Variants in TCERG1L observed in about 807,000 individuals in gnomAD.
TCERG1L encodes transcription elongation regulator 1 like.
Under a neutral mutation model 56.3 loss-of-function variants are expected in TCERG1L, and 37 were observed. The observed-to-expected ratio is 0.66, with a 90% CI of 0.51 to 0.87. The LOEUF is 0.87. Ranked by LOEUF, TCERG1L falls within the 40% of genes least tolerant of loss-of-function variation. The pLI is 0.00. For missense variants in TCERG1L, 799 were observed against 774.2 expected, an observed-to-expected ratio of 1.03 and a Z score of -0.38; for synonymous variants, 324 against 326.3, an observed-to-expected ratio of 0.99 and a Z score of 0.08.
At position 131,104,950 on chromosome 10, in the gene TCERG1L, C is replaced by T. The variant is rs150808906; in HGVS notation, c.1396-596G>A. Among the ~76,000 whole-genome samples, 584 of 152,356 alleles carry T rather than the reference C, an allele frequency of 3.8e-3. 2 individuals carry two copies. The highest frequency in any genetic ancestry group is 0.013 in the African/African-American group (560 of 41,580). On this transcript the variant is annotated intron_variant, in intron 9 of 11. Transcript: ENST00000368642. Reference sequence around the variant, plus strand: ...ACTAACCATGACGCATTATTACTAACAATAGTCTGCATTTATTCAGATTTC... The same window carrying T: ...ACTAACCATGACGCATTATTACTAATAATAGTCTGCATTTATTCAGATTTC...
intron 4 of TCERG1L, among the ~76,000 whole-genome samples, chr10:131,257,050 A>G (rs1011362888): frequency 7.9e-5 from 11 of 139,364 alleles, no homozygotes; most frequent in East Asian, 4.0e-4. Context: ...AGAAAGAAAG[A>G]AAGAAAAGAA....
chr10:131,240,731 G>T (rs1845962909), intron 4 of TCERG1L, among the ~76,000 whole-genome samples: 1 of 152,192 alleles, frequency 6.6e-6, no homozygotes, highest in South Asian at 2.1e-4. Flanking sequence ...CCTGTCTGAG[G>T]CTCCTCCTGA....
intron 4 of TCERG1L, among the ~76,000 whole-genome samples, chr10:131,257,010 A>G (rs1489494186): frequency 6.3e-5 from 9 of 142,672 alleles, no homozygotes; most frequent in East Asian, 2.1e-4. Flanking sequence ...AGAAAGAAAG[A>G]AAGAAAGAAA....
rs577384071 is a variant in TCERG1L, at chr10:131,195,761, T to C, written c.857-28876A>G. ...CCTTTTATCTTCTGGGGGACGCCCC[T>C]GCCATGGCCGGCCATGCTCAAGCAT... On this transcript the variant is annotated intron_variant, in intron 4 of 11. Transcript: ENST00000368642. Among the ~76,000 whole-genome samples the C allele has an allele frequency of 3.5e-3, 530 of 152,310 alleles. 2 individuals carry two copies. The highest frequency in any genetic ancestry group is 0.012 in the African/African-American group (486 of 41,572).
At chr10:131,229,927 C>T (rs532317731) in intron 4 of TCERG1L, among the ~76,000 whole-genome samples, 1 of 152,302 alleles carries the variant, frequency 6.6e-6, no homozygotes, top group South Asian at 2.1e-4. Context: ...TGTTTCACTG[C>T]ACTTCTCCCT....
intron 8 of TCERG1L, among the ~76,000 whole-genome samples, chr10:131,133,389 G>C (rs951602081): frequency 2.6e-5 from 4 of 152,174 alleles, no homozygotes; most frequent in African/African-American, 9.7e-5. Context: ...CACTTCATTT[G>C]GGTTCCTGTT....
intron 6 of TCERG1L, among the ~76,000 whole-genome samples, chr10:131,154,889 T>C (rs1845903435): frequency 6.6e-6 from 1 of 152,220 alleles, no homozygotes; most frequent in African/African-American, 2.4e-5. Flanking sequence ...CGCGTGACTG[T>C]GTGGCCTCTC....
intron 6 of TCERG1L, among the ~76,000 whole-genome samples, chr10:131,157,497 C>G (rs983912505): frequency 2.0e-5 from 3 of 151,888 alleles, no homozygotes; most frequent in African/African-American, 7.3e-5. Flanking sequence ...GACATTTTCC[C>G]ATGTCATCAA....
chr10:131,270,012 C>G (rs1371894722), intron 3 of TCERG1L, among the ~76,000 whole-genome samples: 1 of 152,136 alleles, frequency 6.6e-6, no homozygotes, highest in Non-Finnish European at 1.5e-5. Context: ...AGGAGGATAT[C>G]CAAATCCGTT....
At chr10:131,151,483 G>C (rs1267439642) in intron 6 of TCERG1L, among the ~76,000 whole-genome samples, 1 of 152,146 alleles carries the variant, frequency 6.6e-6, no homozygotes, top group Non-Finnish European at 1.5e-5. Flanking sequence ...CTCACATCCA[G>C]GTCATGCTGA....
At chr10:131,174,052 C>T (rs917229751) in intron 4 of TCERG1L, among the ~76,000 whole-genome samples, 2 of 152,134 alleles carry the variant, frequency 1.3e-5, no homozygotes, top group East Asian at 3.9e-4. Context: ...GGCAGGTGCT[C>T]CCTAGGGGTC....
intron 3 of TCERG1L, among the ~76,000 whole-genome samples, chr10:131,307,807 T>C (rs960690423): frequency 6.6e-6 from 1 of 152,184 alleles, no homozygotes; most frequent in Non-Finnish European, 1.5e-5. Flanking sequence ...AGATCACACA[T>C]GTTCCTGCGT....
intron 3 of TCERG1L, among the ~76,000 whole-genome samples, chr10:131,293,565 G>C (rs1365731339): frequency 6.6e-6 from 1 of 151,654 alleles, no homozygotes; most frequent in Non-Finnish European, 1.5e-5. Context: ...CCTCTGCCCA[G>C]AGACATTCCC....
intron 7 of TCERG1L, among the ~76,000 whole-genome samples, chr10:131,137,231 A>T (rs952560099): frequency 6.6e-6 from 1 of 152,146 alleles, no homozygotes; most frequent in African/African-American, 2.4e-5. Context: ...ACACCCTCTA[A>T]GGAAGTGCAG....
intron 10 of TCERG1L, 119 bp from the exon 11 acceptor site, chr10:131,098,543 A>G: frequency 7.7e-7 from 1 of 1,292,276 alleles, no homozygotes. Context: ...GTTCTTGTTT[A>G]CAGCTGCTGG....
chr10:131,121,215 T>C (rs553585178), intron 8 of TCERG1L, among the ~76,000 whole-genome samples: 1 of 152,108 alleles, frequency 6.6e-6, no homozygotes, highest in Non-Finnish European at 1.5e-5. Context: ...TGCCATGTGA[T>C]GTGGGGAAAG....
In TCERG1L at chr10:131,267,838, C is replaced by T. The variant is rs1846302114; in HGVS notation, c.671-7394G>A. 6.6e-6 allele frequency among the ~76,000 whole-genome samples: 1 copy of T among 152,182 alleles called. No homozygotes were observed. The highest frequency in any genetic ancestry group is 6.5e-5 in the Admixed American group (1 of 15,286). ...CTCCTTGCAGACTTCGGTGGGGGCT[C>T]CAGGGCCTTGCCAGGCCCGTGCCAG... On this transcript the variant is annotated intron_variant, in intron 3 of 11. Transcript: ENST00000368642. This position sits in a 1 kb window ranked among gnomAD's most constrained non-coding sequence, Gnocchi z 4.9.
At chr10:131,242,589 G>A (rs1195298325) in intron 4 of TCERG1L, among the ~76,000 whole-genome samples, 2 of 152,174 alleles carry the variant, frequency 1.3e-5, no homozygotes, top group Admixed American at 1.3e-4. Flanking sequence ...TCCCTTATAG[G>A]AAATGCTTGC....
At chr10:131,295,683 C>T (rs992820070) in intron 3 of TCERG1L, among the ~76,000 whole-genome samples, 1 of 152,140 alleles carries the variant, frequency 6.6e-6, no homozygotes. Context: ...CAGGACAATG[C>T]GCATATCCAT....
Sources: gnomAD v4.1 joint callset for allele counts (sites outside exome capture counted in the v4.1 genomes callset) on GRCh38, gnomAD v4.1.1 for gene constraint, Gnocchi (gnomAD v3.1) non-coding constraint, MANE v1.5 for transcripts, NCBI Gene and HGNC (gene_info 2026-07-23, HGNC 2026-07-21) for gene names.